PIKFYVE: variants seen among roughly 807,000 people sequenced by gnomAD.
PIKFYVE encodes the protein 1-phosphatidylinositol 3-phosphate 5-kinase.
A neutral mutation model predicts 257.9 loss-of-function variants in PIKFYVE; 122 were observed. The observed-to-expected ratio is 0.47, with a 90% CI of 0.41 to 0.55. PIKFYVE has a LOEUF of 0.55. Ranked by LOEUF, PIKFYVE falls within the 20% of genes least tolerant of loss-of-function variation. The pLI, the probability that PIKFYVE is intolerant of heterozygous loss-of-function variation, is 0.00. For synonymous variants in PIKFYVE, 892 were observed against 868.9 expected (o/e 1.03, Z -0.47); for missense variants, 2,160 against 2,536.6 (o/e 0.85, Z 3.19).
At chr2:208,341,630 G>A (rs1427873761) in intron 31 of PIKFYVE, among the ~76,000 whole-genome samples, 1 of 152,118 alleles carries the variant, frequency 6.6e-6, no homozygotes, top group Non-Finnish European at 1.5e-5. Flanking sequence ...TCCTCTTTTG[G>A]GTTGTAGATT....
At chr2:208,281,289 C>T (rs1690775605) in intron 5 of PIKFYVE, among the ~76,000 whole-genome samples, 1 of 152,202 alleles carries the variant, frequency 6.6e-6, no homozygotes, top group South Asian at 2.1e-4. Flanking sequence ...TTCAGCCAGT[C>T]ATCTAAACAG....
intron 7 of PIKFYVE, among the ~76,000 whole-genome samples, chr2:208,294,954 A>G (rs1692776907): frequency 6.6e-6 from 1 of 152,166 alleles, no homozygotes; most frequent in African/African-American, 2.4e-5. Flanking sequence ...GAAACTCCCA[A>G]AAGCATCCCC....
intron 12 of PIKFYVE, 90 bp from the exon 13 acceptor site, chr2:208,312,146 T>A (rs1694998621): frequency 1.5e-5 from 14 of 948,866 alleles, no homozygotes; most frequent in Non-Finnish European, 2.2e-5. Flanking sequence ...ATTTTGTGTG[T>A]GGGCGTATTC....
chr2:208,348,137 C>A, intron 35 of PIKFYVE, 114 bp downstream of exon 35: 1 of 1,321,568 alleles, frequency 7.6e-7, no homozygotes, highest in Non-Finnish European at 1.1e-6. Context: ...CTGGGGCATT[C>A]CCTCTGTTCT....
intron 1 of PIKFYVE, among the ~76,000 whole-genome samples, chr2:208,267,607 A>T (rs1205896223): frequency 6.9e-6 from 1 of 144,474 alleles, no homozygotes. Flanking sequence ...CCCAGGGTTC[A>T]GGCGATTCTC....
At chr2:208,286,598 G>A (rs1173492454) in intron 6 of PIKFYVE, among the ~76,000 whole-genome samples, 2 of 151,956 alleles carry the variant, frequency 1.3e-5, no homozygotes, top group African/African-American at 2.4e-5. Flanking sequence ...GTGTAGTGGC[G>A]TGATCATAGC....
intron 4 of PIKFYVE, 94 bp downstream of exon 4, chr2:208,276,924 C>G (rs1028614422): frequency 8.1e-6 from 8 of 993,202 alleles, no homozygotes; most frequent in Middle Eastern, 4.3e-4. Context: ...TGAAAGAAAG[C>G]TTAATTAGCG....
chr2:208,268,001 T>G (rs1688893875), intron 1 of PIKFYVE, among the ~76,000 whole-genome samples: 1 of 152,182 alleles, frequency 6.6e-6, no homozygotes, highest in South Asian at 2.1e-4. Flanking sequence ...TAGCCTTAAT[T>G]AGAAATGGTG....
intron 10 of PIKFYVE, among the ~76,000 whole-genome samples, chr2:208,303,285 G>GCA (rs56245288): frequency 0.87 from 129,397 of 149,356 alleles, 57,357 homozygotes; most frequent in Middle Eastern, 0.95. Context: ...ACACACACAG[G>GCA]CACACACACA....
chr2:208,289,528 C>T (rs1310018955), intron 7 of PIKFYVE, among the ~76,000 whole-genome samples: 1 of 152,082 alleles, frequency 6.6e-6, no homozygotes, highest in Non-Finnish European at 1.5e-5. Flanking sequence ...CTCCTGGGTT[C>T]ATGCCATTCT....
At chr2:208,347,759 C>G (rs1462266305) in intron 34 of PIKFYVE, 100 bp from the exon 35 acceptor site, 1 of 988,204 alleles carries the variant, frequency 1.0e-6, no homozygotes, top group Non-Finnish European at 1.6e-6. Context: ...TGATTAGCTT[C>G]ATATAGTGGT....
chr2:208,330,139 C>T (rs992513595), intron 22 of PIKFYVE, among the ~76,000 whole-genome samples: 1 of 152,132 alleles, frequency 6.6e-6, no homozygotes, highest in African/African-American at 2.4e-5. Flanking sequence ...ATTACCCTAC[C>T]ATCAACATTT....
At chr2:208,299,076 G>T (rs574617378) in intron 8 of PIKFYVE, among the ~76,000 whole-genome samples, 1 of 152,174 alleles carries the variant, frequency 6.6e-6, no homozygotes, top group East Asian at 1.9e-4. Flanking sequence ...CTGACCTCAA[G>T]TGATCTGCCC....
chr2:208,304,047 A>C, intron 10 of PIKFYVE, 124 bp from the exon 11 acceptor site: 1 of 1,230,540 alleles, frequency 8.1e-7, no homozygotes, highest in Admixed American at 2.0e-5. Context: ...TAATTTGTTT[A>C]TTTTTATAAA....
chr2:208,273,005 T>G (rs1157161445), intron 2 of PIKFYVE, among the ~76,000 whole-genome samples: 1 of 152,216 alleles, frequency 6.6e-6, no homozygotes, highest in African/African-American at 2.4e-5. Context: ...GTTGTTCTTT[T>G]TATATTCTAG....
At chr2:208,308,468 A>G (rs2125400217) in intron 12 of PIKFYVE, among the ~76,000 whole-genome samples, 2 of 152,104 alleles carry the variant, frequency 1.3e-5, no homozygotes, top group Middle Eastern at 3.4e-3. Context: ...ACTCTTAGCA[A>G]TTTTGAAATA....
At chr2:208,320,713 C>T (rs761539998) in intron 17 of PIKFYVE, among the ~76,000 whole-genome samples, 33 of 152,042 alleles carry the variant, frequency 2.2e-4, no homozygotes, top group Non-Finnish European at 4.4e-4. Flanking sequence ...CATCAATTAG[C>T]TTATATGTAG....
At chr2:208,321,575 G>GTTTTTT (rs869195257) in intron 17 of PIKFYVE, among the ~76,000 whole-genome samples, 2 of 143,098 alleles carry the variant, frequency 1.4e-5, no homozygotes, top group African/African-American at 5.2e-5. Flanking sequence ...CTTTTCTTTT[G>GTTTTTT]TTTTTTTTTT....
At chr2:208,305,377 C>G in intron 12 of PIKFYVE, 1 of 1,121,748 alleles carries the variant, frequency 8.9e-7, no homozygotes, top group South Asian at 2.4e-5. Context: ...CATTTTAAAG[C>G]CTATTTGCCT....
Sources: gnomAD v4.1 joint callset for allele counts (sites outside exome capture counted in the v4.1 genomes callset) on GRCh38, gnomAD v4.1.1 for gene constraint, MANE v1.5 for transcripts, NCBI Gene and HGNC (gene_info 2026-07-23, HGNC 2026-07-21) for gene names.